The following CLVS2 variants were observed in gnomAD, a reference collection of about 807,000 sequenced individuals.
CLVS2 encodes clavesin 2, also known as clavesin-2.
In CLVS2, 19 loss-of-function variants were observed where a neutral mutation model predicts 29.0. The ratio of observed to expected loss-of-function variants is 0.66; its 90% CI spans 0.46 to 0.96. The LOEUF (loss-of-function observed/expected upper bound fraction) is 0.96. Among genes scored for constraint, CLVS2 ranks in the 40% least tolerant of loss-of-function variants. CLVS2 has a pLI of 0.00. For synonymous variants in CLVS2, 161 were observed against 151.3 expected, an observed-to-expected ratio of 1.06 and a Z score of -0.47; for missense variants, 294 against 404.1, an observed-to-expected ratio of 0.73 and a Z score of 2.34.
At chr6:123,018,153 A>G (rs1361429735) in intron 3 of CLVS2, among the ~76,000 whole-genome samples, 2 of 152,136 alleles carry the variant, frequency 1.3e-5, no homozygotes, top group Non-Finnish European at 2.9e-5. Flanking sequence ...AACTGAACAA[A>G]GCATATGAAC....
At chr6:123,013,092 C>T (rs150035787) in intron 3 of CLVS2, among the ~76,000 whole-genome samples, 3 of 151,948 alleles carry the variant, frequency 2.0e-5, no homozygotes, top group Non-Finnish European at 2.9e-5. Context: ...AGAAATGTTC[C>T]GTTGTGACAT....
intron 3 of CLVS2, among the ~76,000 whole-genome samples, chr6:123,046,476 G>A (rs775102726): frequency 1.2e-4 from 18 of 152,012 alleles, no homozygotes; most frequent in East Asian, 1.9e-4. Context: ...CCTGACCAAC[G>A]TGGTGAAACT....
Position 123,063,983 on chromosome 6 carries a change from T to G in CLVS2, c.*222T>G. On this transcript the variant is annotated 3_prime_UTR_variant, in exon 6 of 6. Transcript: ENST00000275162. ...TATTCTGTAAGTGCCAAGTTGTTTG[T>G]AAATATAATGTAATCTTCATGTCAA... 2.5e-6 allele frequency: 1 copy of G among 392,486 alleles called. No individual in the cohort carries two copies. Among genetic ancestry groups the G allele is most frequent in the Non-Finnish European group, 4.6e-6 (1 of 218,264 alleles). 24.3% of individuals were successfully genotyped at this position (392,486 alleles called of 1,614,324 possible).
intron 3 of CLVS2, 45 bp from the exon 4 acceptor site, chr6:123,048,577 C>T: frequency 7.8e-7 from 1 of 1,278,966 alleles, no homozygotes; most frequent in Non-Finnish European, 1.1e-6. Context: ...CCTTCTCAGT[C>T]TATTAAAGCA....
intron 3 of CLVS2, among the ~76,000 whole-genome samples, chr6:123,046,602 T>C (rs1772516731): frequency 6.6e-6 from 1 of 150,794 alleles, no homozygotes; most frequent in African/African-American, 2.4e-5. Flanking sequence ...GAAATTGCAG[T>C]GAGCCGAGAT....
At chr6:123,014,648 G>C (rs1416112198) in intron 3 of CLVS2, among the ~76,000 whole-genome samples, 1 of 152,054 alleles carries the variant, frequency 6.6e-6, no homozygotes, top group Non-Finnish European at 1.5e-5. Flanking sequence ...AATGATTAAA[G>C]TAATTGATGT....
intron 3 of CLVS2, among the ~76,000 whole-genome samples, chr6:123,016,217 A>T (rs1440745073): frequency 6.6e-6 from 1 of 151,634 alleles, no homozygotes; most frequent in Non-Finnish European, 1.5e-5. Context: ...TCAATACAAG[A>T]TTAAGTGAAT....
chr6:123,059,880 T>A (rs547454671), intron 5 of CLVS2, among the ~76,000 whole-genome samples: 19 of 152,318 alleles, frequency 1.2e-4, no homozygotes, highest in Non-Finnish European at 2.5e-4. Context: ...TTGTAGCCCA[T>A]TAGTGGCCCC....
chr6:123,063,526 A>G (rs1447939867), intron 5 of CLVS2, 148 bp from the exon 6 acceptor site: 2 of 556,194 alleles, frequency 3.6e-6, no homozygotes, highest in Non-Finnish European at 6.4e-6. Context: ...GTTTTTCTCT[A>G]AATGTGCAAC....
intron 5 of CLVS2, among the ~76,000 whole-genome samples, chr6:123,058,208 A>G (rs1036792626): frequency 5.3e-5 from 8 of 152,092 alleles, no homozygotes; most frequent in African/African-American, 1.9e-4. Flanking sequence ...TGCATCCTCA[A>G]CGTTAGGTAG....
At chr6:123,050,260 A>G (rs545348148) in intron 4 of CLVS2, among the ~76,000 whole-genome samples, 4 of 152,226 alleles carry the variant, frequency 2.6e-5, no homozygotes, top group African/African-American at 9.6e-5. Context: ...TAATGAAAGG[A>G]TGATCAAGTG....
intron 3 of CLVS2, among the ~76,000 whole-genome samples, chr6:123,035,116 G>C (rs1032028568): frequency 4.6e-5 from 7 of 152,122 alleles, no homozygotes; most frequent in African/African-American, 1.7e-4. Context: ...ATTAAAAGAA[G>C]TAGGGTATTT....
intron 3 of CLVS2, among the ~76,000 whole-genome samples, chr6:123,025,740 A>G (rs2114327080): frequency 6.6e-6 from 1 of 152,298 alleles, no homozygotes; most frequent in East Asian, 1.9e-4. Context: ...CAAATACTTT[A>G]CCCATTTCCT....
chr6:123,018,212 G>A (rs1003775254), intron 3 of CLVS2, among the ~76,000 whole-genome samples: 4 of 152,030 alleles, frequency 2.6e-5, no homozygotes, highest in African/African-American at 9.7e-5. Context: ...TCCTGAACTA[G>A]AGAACAAAAA....
At chr6:123,045,129 C>A (rs1772465762) in intron 3 of CLVS2, among the ~76,000 whole-genome samples, 1 of 151,018 alleles carries the variant, frequency 6.6e-6, no homozygotes, top group Middle Eastern at 3.2e-3. Context: ...GAACATTTAT[C>A]TACCTCTTTT....
At chr6:123,005,797 G>C (rs1355827000) in intron 2 of CLVS2, among the ~76,000 whole-genome samples, 2 of 152,096 alleles carry the variant, frequency 1.3e-5, no homozygotes, top group African/African-American at 4.8e-5. Context: ...CCTCTTTCTG[G>C]TCCAGGAGCA....
intron 3 of CLVS2, among the ~76,000 whole-genome samples, chr6:123,044,613 G>A (rs1772450324): frequency 6.6e-6 from 1 of 152,098 alleles, no homozygotes; most frequent in Non-Finnish European, 1.5e-5. Context: ...CATAGTAGGT[G>A]TGAAGGGAGG....
intron 3 of CLVS2, among the ~76,000 whole-genome samples, chr6:123,031,747 T>G (rs1775086434): frequency 6.6e-6 from 1 of 151,936 alleles, no homozygotes; most frequent in Non-Finnish European, 1.5e-5. Flanking sequence ...AACTCCAAAC[T>G]CTGCTGCTAA....
intron 2 of CLVS2, among the ~76,000 whole-genome samples, chr6:123,001,658 T>G (rs1228425147): frequency 6.6e-6 from 1 of 152,228 alleles, no homozygotes; most frequent in Non-Finnish European, 1.5e-5. Flanking sequence ...TTGCATATTG[T>G]TTTCCTTCCT....
Sources: allele counts gnomAD v4.1 joint callset (sites outside exome capture counted in the v4.1 genomes callset), GRCh38; gene constraint gnomAD v4.1.1; transcripts MANE v1.5; gene names NCBI Gene and HGNC (gene_info 2026-07-23, HGNC 2026-07-21).